The following GRIK1 variants were observed in gnomAD, a reference collection of about 807,000 sequenced individuals.
GRIK1 encodes the protein glutamate ionotropic receptor kainate type subunit 1, also known as glutamate receptor ionotropic, kainate 1.
In GRIK1, 69 loss-of-function variants were observed where a neutral mutation model predicts 105.7. That is an observed-to-expected ratio of 0.65 (90% confidence interval 0.54 to 0.80). GRIK1 has a LOEUF of 0.80. Among genes scored for constraint, GRIK1 ranks in the 30% least tolerant of loss-of-function variants. The pLI, the probability that GRIK1 is intolerant of heterozygous loss-of-function variation, is 0.00. For synonymous variants in GRIK1, 438 were observed against 431.3 expected, an observed-to-expected ratio of 1.02 and a Z score of -0.19; for missense variants, 1,109 against 1,167.3, an observed-to-expected ratio of 0.95 and a Z score of 0.73.
chr21:29,560,875 C>T (rs1350128056), intron 15 of GRIK1, among the ~76,000 whole-genome samples: 4 of 152,198 alleles, frequency 2.6e-5, no homozygotes, highest in Non-Finnish European at 5.9e-5. Flanking sequence ...GCTGGGATTA[C>T]AGGCGTGAGC....
chr21:29,606,588 C>T (rs2061620778), intron 7 of GRIK1, among the ~76,000 whole-genome samples: 1 of 151,998 alleles, frequency 6.6e-6, no homozygotes. Flanking sequence ...TGGAAATGGT[C>T]CTACGATGGT....
chr21:29,779,123 C>T (rs569811973), intron 1 of GRIK1, among the ~76,000 whole-genome samples: 1 of 152,276 alleles, frequency 6.6e-6, no homozygotes, highest in East Asian at 1.9e-4. Context: ...TGAAAAGAAA[C>T]AGAAATGTTC....
At chr21:29,772,688 A>G (rs1296155549) in intron 1 of GRIK1, among the ~76,000 whole-genome samples, 1 of 152,152 alleles carries the variant, frequency 6.6e-6, no homozygotes, top group East Asian at 1.9e-4. Context: ...TGCGTATGTG[A>G]AACCCAAAAA....
chr21:29,859,107 CA>C (rs1243139040), intron 1 of GRIK1, among the ~76,000 whole-genome samples: 11 of 149,684 alleles, frequency 7.3e-5, no homozygotes, highest in Non-Finnish European at 1.6e-4. Flanking sequence ...CAAACTATCG[CA>C]AGGACGAAAA....
At chr21:29,667,965 A>C (rs1347520134) in intron 4 of GRIK1, among the ~76,000 whole-genome samples, 1 of 152,226 alleles carries the variant, frequency 6.6e-6, no homozygotes, top group African/African-American at 2.4e-5. Context: ...CTTTCAGGTA[A>C]CAGGCACGGA....
chr21:29,565,800 A>T (rs563668856), intron 14 of GRIK1, among the ~76,000 whole-genome samples: 2 of 152,272 alleles, frequency 1.3e-5, no homozygotes, highest in Admixed American at 6.5e-5. Flanking sequence ...AGTTTCACAT[A>T]AGGAGATGCT....
At chr21:29,930,892 C>T (rs932226311) in intron 1 of GRIK1, among the ~76,000 whole-genome samples, 1 of 152,118 alleles carries the variant, frequency 6.6e-6, no homozygotes, top group East Asian at 1.9e-4. Context: ...AGACTTTTTC[C>T]TTTTTGTTTC....
At chr21:29,621,546 C>A (rs574405429) in intron 7 of GRIK1, among the ~76,000 whole-genome samples, 10 of 152,290 alleles carry the variant, frequency 6.6e-5, no homozygotes, top group Middle Eastern at 6.8e-3. Flanking sequence ...TAATAGTGAA[C>A]CCTCTTGCTA....
chr21:29,715,847 ATTATC>A (rs1308121798), intron 1 of GRIK1, among the ~76,000 whole-genome samples: 2 of 152,148 alleles, frequency 1.3e-5, no homozygotes, highest in South Asian at 2.1e-4. Flanking sequence ...TAAATGTAGT[ATTATC>A]TTATTATAAT....
chr21:29,662,872 T>G (rs2300311), intron 4 of GRIK1, among the ~76,000 whole-genome samples: 18,389 of 152,098 alleles, frequency 0.12, 1,164 homozygotes, highest in East Asian at 0.22. Flanking sequence ...ATATTCTGAT[T>G]TATTTTGTCT....
At chr21:29,860,490 A>G (rs888720423) in intron 1 of GRIK1, among the ~76,000 whole-genome samples, 8 of 152,192 alleles carry the variant, frequency 5.3e-5, no homozygotes, top group African/African-American at 1.9e-4. Context: ...CCCTCACCTG[A>G]GCTCCCTTCC....
intron 1 of GRIK1, among the ~76,000 whole-genome samples, chr21:29,936,562 T>C (rs769773378): frequency 6.6e-6 from 1 of 152,196 alleles, no homozygotes; most frequent in Non-Finnish European, 1.5e-5. Context: ...CAACCAGCTA[T>C]ATTTCTCTTC....
chr21:29,896,861 C>T (rs761069386), intron 1 of GRIK1, among the ~76,000 whole-genome samples: 6 of 152,266 alleles, frequency 3.9e-5, no homozygotes, highest in Non-Finnish European at 5.9e-5. Context: ...GCTCTGTAAA[C>T]GTGAGCAACC....
intron 1 of GRIK1, among the ~76,000 whole-genome samples, chr21:29,715,157 A>G (rs1227862123): frequency 3.3e-5 from 5 of 152,184 alleles, no homozygotes; most frequent in Non-Finnish European, 5.9e-5. Flanking sequence ...AGGGTTGTTC[A>G]GGAATGTGTG....
intron 16 of GRIK1, among the ~76,000 whole-genome samples, chr21:29,547,133 T>C (rs2090062588): frequency 6.6e-6 from 1 of 152,226 alleles, no homozygotes; most frequent in South Asian, 2.1e-4. Context: ...ACCTGGTCTG[T>C]AGGCTCATTA....
At chr21:29,803,169 C>G (rs751938395) in intron 1 of GRIK1, among the ~76,000 whole-genome samples, 1 of 152,040 alleles carries the variant, frequency 6.6e-6, no homozygotes, top group Non-Finnish European at 1.5e-5. Context: ...ATAACTCCAT[C>G]CTCCCGGCTG....
At chr21:29,644,604 G>GACTT (rs1176960187) in intron 6 of GRIK1, among the ~76,000 whole-genome samples, 2 of 152,108 alleles carry the variant, frequency 1.3e-5, no homozygotes, top group Non-Finnish European at 2.9e-5. Flanking sequence ...TTCAGTTCAG[G>GACTT]ACTTACACTA....
chr21:29,584,143 G>A (rs1298612011), intron 12 of GRIK1, among the ~76,000 whole-genome samples: 1 of 152,142 alleles, frequency 6.6e-6, no homozygotes. Flanking sequence ...TCACACTGAA[G>A]TTTTCTAATT....
chr21:29,905,919 C>T (rs2070619542), intron 1 of GRIK1, among the ~76,000 whole-genome samples: 1 of 151,692 alleles, frequency 6.6e-6, no homozygotes, highest in African/African-American at 2.4e-5. Context: ...TGAGCCACCG[C>T]ACCTGGCCCA....
Sources: gnomAD v4.1 joint callset for allele counts (sites outside exome capture counted in the v4.1 genomes callset) on GRCh38, gnomAD v4.1.1 for gene constraint, MANE v1.5 for transcripts, NCBI Gene and HGNC (gene_info 2026-07-23, HGNC 2026-07-21) for gene names.